Variants in ZNF385D observed in about 807,000 individuals in gnomAD.
ZNF385D encodes zinc finger protein 659.
A neutral mutation model predicts 35.8 loss-of-function variants in ZNF385D; 15 were observed. That is an observed-to-expected ratio of 0.42 (90% CI 0.28 to 0.64). ZNF385D has a LOEUF of 0.64. Ranked by LOEUF, ZNF385D falls within the 30% of genes least tolerant of loss-of-function variation. The pLI is 0.23. For synonymous variants in ZNF385D, 212 were observed against 186.8 expected (o/e 1.13, Z -1.10); for missense variants, 474 against 494.6 (o/e 0.96, Z 0.39).
intron 1 of ZNF385D, among the ~76,000 whole-genome samples, chr3:21,731,791 T>C (rs1242109294): frequency 1.3e-5 from 2 of 152,188 alleles, no homozygotes; most frequent in Non-Finnish European, 2.9e-5. Context: ...CAAATGTAGT[T>C]GGAATAGTAC....
intron 3 of ZNF385D, among the ~76,000 whole-genome samples, chr3:22,137,365 C>T (rs962942065): frequency 4.0e-5 from 6 of 151,814 alleles, no homozygotes; most frequent in African/African-American, 1.2e-4. Flanking sequence ...AGAGACACAA[C>T]AAAAAAAGAG....
chr3:21,519,081 T>C (rs996326222), intron 3 of ZNF385D, among the ~76,000 whole-genome samples: 2 of 152,032 alleles, frequency 1.3e-5, no homozygotes, highest in African/African-American at 2.4e-5. Flanking sequence ...TCTTCTGTAC[T>C]CTTCAATACA....
At chr3:22,248,734 C>G (rs1488474991) in intron 2 of ZNF385D, among the ~76,000 whole-genome samples, 2 of 152,118 alleles carry the variant, frequency 1.3e-5, no homozygotes, top group Non-Finnish European at 2.9e-5. Flanking sequence ...TACCAAACCT[C>G]CCATGAATGG....
intron 3 of ZNF385D, among the ~76,000 whole-genome samples, chr3:22,023,124 G>C (rs941669570): frequency 6.6e-6 from 1 of 152,112 alleles, no homozygotes; most frequent in African/African-American, 2.4e-5. Context: ...ATGTCTTATG[G>C]AGGGCACAGA....
intron 2 of ZNF385D, among the ~76,000 whole-genome samples, chr3:22,323,116 G>GA (rs1369780522): frequency 6.6e-6 from 1 of 152,090 alleles, no homozygotes; most frequent in African/African-American, 2.4e-5. Context: ...CTTATTAGGG[G>GA]AAGGAAGGAC....
intron 3 of ZNF385D, among the ~76,000 whole-genome samples, chr3:22,126,007 G>C (rs1452714560): frequency 4.6e-5 from 7 of 151,650 alleles, no homozygotes; most frequent in Admixed American, 4.6e-4. Context: ...TAGAGAAAAA[G>C]CTTTTAATTT....
chr3:22,311,534 A>C (rs1703549618), intron 2 of ZNF385D, among the ~76,000 whole-genome samples: 1 of 152,138 alleles, frequency 6.6e-6, no homozygotes, highest in African/African-American at 2.4e-5. Context: ...ATTTTGTTTT[A>C]AGCTAAATCC....
intron 3 of ZNF385D, among the ~76,000 whole-genome samples, chr3:21,847,100 T>G (rs1376557154): frequency 1.7e-4 from 26 of 152,064 alleles, no homozygotes; most frequent in Non-Finnish European, 1.5e-5. Context: ...CCCTACCAGC[T>G]GTCAAAGATT....
At chr3:22,300,474 A>G (rs966037927) in intron 2 of ZNF385D, among the ~76,000 whole-genome samples, 4 of 151,870 alleles carry the variant, frequency 2.6e-5, no homozygotes, top group African/African-American at 9.7e-5. Flanking sequence ...TCTGTACAGC[A>G]AAGAGAACAA....
At chr3:21,857,700 T>C (rs1163222643) in intron 3 of ZNF385D, among the ~76,000 whole-genome samples, 1 of 151,840 alleles carries the variant, frequency 6.6e-6, no homozygotes, top group Admixed American at 6.6e-5. Flanking sequence ...TACCCTGAAG[T>C]CTGTTGCCTC....
In ZNF385D at chr3:22,130,601, A is replaced by G. The variant is rs377682644; in HGVS notation, c.325+38216T>C. ...CACTGAGTTCCAATGCAAACTTCCAATTTCCCAGTGAAAACTTCACTACAT... is the reference window on the plus strand; with the variant it reads ...CACTGAGTTCCAATGCAAACTTCCAGTTTCCCAGTGAAAACTTCACTACAT... On this transcript the variant is annotated intron_variant, in intron 3 of 5. Transcript: ENST00000494108. Among the ~76,000 whole-genome samples the G allele has an allele frequency of 6.6e-5, 10 of 152,152 alleles. 1 individual carries two copies. The highest frequency in any genetic ancestry group is 3.9e-4 in the East Asian group (2 of 5,166).
intron 3 of ZNF385D, among the ~76,000 whole-genome samples, chr3:22,032,513 T>C (rs1342306684): frequency 6.6e-6 from 1 of 152,148 alleles, no homozygotes; most frequent in East Asian, 1.9e-4. Flanking sequence ...ACATGGGGAT[T>C]ACAATTTGAG....
chr3:22,168,246 A>T (rs1217846433), intron 3 of ZNF385D, among the ~76,000 whole-genome samples: 1 of 152,166 alleles, frequency 6.6e-6, no homozygotes, highest in Non-Finnish European at 1.5e-5. Flanking sequence ...CTTCCCAAAG[A>T]TATTTTTGTG....
intron 3 of ZNF385D, among the ~76,000 whole-genome samples, chr3:21,773,636 A>G (rs2071169090): frequency 6.6e-6 from 1 of 152,038 alleles, no homozygotes; most frequent in South Asian, 2.1e-4. Flanking sequence ...TTCTCAAAAG[A>G]CTACATACAT....
chr3:22,136,260 G>A lies in ZNF385D; in HGVS notation c.325+32557C>T, dbSNP rs185587152. On this transcript the variant is annotated intron_variant, in intron 3 of 5. Transcript: ENST00000494108. Reference sequence around the variant, plus strand: ...AAAATTAGCTGGGCATCATGGCATAGGCCTGTAGTCCCAGCTACTCGGGAG... The same window carrying A: ...AAAATTAGCTGGGCATCATGGCATAAGCCTGTAGTCCCAGCTACTCGGGAG... Among the ~76,000 whole-genome samples, 17 of 152,148 alleles carry A rather than the reference G, an allele frequency of 1.1e-4. No homozygotes were observed. The East Asian group carries it at 1.7e-3, about 16-fold the overall frequency.
intron 2 of ZNF385D, among the ~76,000 whole-genome samples, chr3:22,198,711 G>A (rs1171894707): frequency 6.6e-6 from 1 of 152,018 alleles, no homozygotes. Context: ...GTACATGGCA[G>A]GAAGACATGG....
intron 3 of ZNF385D, among the ~76,000 whole-genome samples, chr3:22,078,549 A>G (rs985832151): frequency 2.0e-5 from 3 of 152,072 alleles, no homozygotes; most frequent in Non-Finnish European, 4.4e-5. Context: ...TATGAAGAAA[A>G]TCAAGCAAGG....
intron 3 of ZNF385D, among the ~76,000 whole-genome samples, chr3:22,095,988 T>C (rs779778961): frequency 1.2e-4 from 19 of 152,086 alleles, no homozygotes; most frequent in Non-Finnish European, 2.4e-4. Context: ...GACTAAAGTC[T>C]TTGGTAATAA....
chr3:22,234,598 G>A (rs777568291), intron 2 of ZNF385D, among the ~76,000 whole-genome samples: 4 of 151,844 alleles, frequency 2.6e-5, no homozygotes, highest in Non-Finnish European at 5.9e-5. Context: ...GACACAGCAG[G>A]TGTGTGTCAA....
Sources: gnomAD v4.1 joint callset for allele counts (sites outside exome capture counted in the v4.1 genomes callset) on GRCh38, gnomAD v4.1.1 for gene constraint, MANE v1.5 for transcripts, NCBI Gene and HGNC (gene_info 2026-07-23, HGNC 2026-07-21) for gene names.